Variants in CMPK2 observed in about 807,000 individuals in gnomAD.
CMPK2 encodes cytidine/uridine monophosphate kinase 2, also known as UMP-CMP kinase 2, mitochondrial.
CMPK2 carries 32 observed loss-of-function variants against 33.4 expected under a neutral mutation model. The observed-to-expected ratio is 0.96, with a 90% CI of 0.72 to 1.29. CMPK2 has a LOEUF of 1.29. Among genes scored for constraint, CMPK2 ranks in the 50% most tolerant of loss-of-function variants. CMPK2 has a pLI of 0.00. For synonymous variants in CMPK2, 299 were observed against 275.3 expected (o/e 1.09, Z -0.85); for missense variants, 672 against 616.0 (o/e 1.09, Z -0.96).
In CMPK2 at chr2:6,865,781, A is replaced by G. The variant is rs1413260023; in HGVS notation, c.-85T>C. 7 of 1,254,438 alleles carry G rather than the reference A, an allele frequency of 5.6e-6. No individual in the cohort carries two copies. The highest frequency in any genetic ancestry group is 1.6e-5 in the African/African-American group (1 of 63,568). The allele number at this position is 1,254,438 out of a possible 1,614,324, so 77.7% of individuals were successfully genotyped here. On this transcript the variant is annotated 5_prime_UTR_variant, in exon 1 of 5. Coordinates refer to ENST00000256722, the MANE Select transcript of CMPK2 (RefSeq NM_207315.4). ...GGCGCCGGCGGGAAACGAAACCCGG[A>G]GGGAGCCAGGCGCCAGCGGGAAACG...
chr2:6,841,322 T>C (rs1020379027), intron 3 of CMPK2, among the ~76,000 whole-genome samples: 7 of 152,148 alleles, frequency 4.6e-5, no homozygotes, highest in African/African-American at 2.4e-5. Flanking sequence ...GTAAAATCCA[T>C]TTGCCAGTCC....
In CMPK2 at chr2:6,849,311, A is replaced by G; in HGVS notation, c.*539T>C. Reference sequence around the variant, plus strand: ...TGGCTCTGCAGGAGTGTCCTTGGGCAGCCAGGACACATAGACAGCCTCTGC... The same window carrying G: ...TGGCTCTGCAGGAGTGTCCTTGGGCGGCCAGGACACATAGACAGCCTCTGC... On this transcript the variant is annotated 3_prime_UTR_variant, in exon 5 of 5. Coordinates refer to ENST00000256722, the MANE Select transcript of CMPK2 (RefSeq NM_207315.4). 1 of 985,678 alleles carries G rather than the reference A, an allele frequency of 1.0e-6. No individual in the cohort carries two copies. The highest frequency in any genetic ancestry group is 1.2e-6 in the Non-Finnish European group (1 of 830,142). The allele number at this position is 985,678 out of a possible 1,614,324, so 61.1% of individuals were successfully genotyped here. A position where few individuals can be genotyped will look rare whatever the true frequency, so the allele number is the denominator to read the frequency against.
chr2:6,857,637 T>TTC (rs1662751395), intron 3 of CMPK2, among the ~76,000 whole-genome samples: 1 of 37,256 alleles, frequency 2.7e-5, no homozygotes, highest in African/African-American at 6.3e-5. Flanking sequence ...TTCTTTTCTT[T>TTC]TCTTTTTTTT....
In CMPK2 at chr2:6,848,576, T is replaced by C; in HGVS notation, c.*1274A>G. Reference sequence around the variant, plus strand: ...TAGCTCTTTTAAAAATCCTATGACATTAACATGAAACTTTATTAGAATTTA... The same window carrying C: ...TAGCTCTTTTAAAAATCCTATGACACTAACATGAAACTTTATTAGAATTTA... On this transcript the variant is annotated 3_prime_UTR_variant, in exon 5 of 5. Transcript: ENST00000256722. 1 of 955,736 alleles carries C rather than the reference T, an allele frequency of 1.0e-6. No individual in the cohort carries two copies. Among genetic ancestry groups the C allele is most frequent in the Non-Finnish European group, 1.2e-6 (1 of 802,886 alleles). The allele number at this position is 955,736 out of a possible 1,614,324, so 59.2% of individuals were successfully genotyped here.
chr2:6,851,889 A>C (rs1662536476), intron 3 of CMPK2, among the ~76,000 whole-genome samples: 1 of 152,278 alleles, frequency 6.6e-6, no homozygotes, highest in South Asian at 2.1e-4. Flanking sequence ...GTAATAATGC[A>C]GTGTGTTCTT....
At chr2:6,850,833 T>TGG in intron 4 of CMPK2, 2 of 987,214 alleles carry the variant, frequency 2.0e-6, no homozygotes, top group Non-Finnish European at 2.4e-6. Flanking sequence ...GTAGAACTGA[T>TGG]TCATACTCAG....
chr2:6,859,825 T>A (rs1662821231), intron 3 of CMPK2, among the ~76,000 whole-genome samples: 1 of 152,102 alleles, frequency 6.6e-6, no homozygotes, highest in Admixed American at 6.5e-5. Context: ...AGCGGAGCTG[T>A]TTGAAGAGAG....
chr2:6,851,071 C>T lies in CMPK2; in HGVS notation c.1226+379G>A, dbSNP rs879880583. The T allele has an allele frequency of 8.4e-6, 9 of 1,069,712 alleles. No homozygotes were observed. In the South Asian group the frequency reaches 1.5e-4, roughly 17 times the overall value. The allele number at this position is 1,069,712 out of a possible 1,614,324, so 66.3% of individuals were successfully genotyped here. ...AGGATGACATAACATCAGTAAAATGCCTGACACACGGGAAGCATCTAATAG... is the reference window on the plus strand; with the variant it reads ...AGGATGACATAACATCAGTAAAATGTCTGACACACGGGAAGCATCTAATAG... On this transcript the variant is annotated intron_variant, in intron 4 of 4. Coordinates refer to ENST00000256722, the MANE Select transcript of CMPK2 (RefSeq NM_207315.4).
chr2:6,864,415 T>C (rs892924518), intron 1 of CMPK2: 1 of 152,238 alleles, frequency 6.6e-6, no homozygotes, highest in African/African-American at 2.4e-5. Flanking sequence ...TCAGGGCTCA[T>C]CTGTGTCACA....
chr2:6,840,781 T>C (rs1379098236), intron 3 of CMPK2: 1 of 665,796 alleles, frequency 1.5e-6, no homozygotes, highest in African/African-American at 1.8e-5. Context: ...GATAACTGTT[T>C]TAATTCCTGC....
chr2:6,843,813 G>A (rs571133307), downstream of CMPK2, among the ~76,000 whole-genome samples: 2 of 152,318 alleles, frequency 1.3e-5, no homozygotes, highest in South Asian at 4.1e-4. Flanking sequence ...TTGTGATATG[G>A]GAGGAGAGAA....
At chr2:6,862,751 T>A (rs1286295712) in intron 2 of CMPK2, among the ~76,000 whole-genome samples, 1 of 152,144 alleles carries the variant, frequency 6.6e-6, no homozygotes, top group Non-Finnish European at 1.5e-5. Flanking sequence ...CCTAGCTGGG[T>A]TCACAAGTAC....
Position 6,849,075 on chromosome 2 carries a change from T to C in CMPK2, c.*775A>G. 2 of 984,330 alleles carry C rather than the reference T, an allele frequency of 2.0e-6. No individual in the cohort carries two copies. Among genetic ancestry groups the C allele is most frequent in the Non-Finnish European group, 2.4e-6 (2 of 828,866 alleles). The allele number at this position is 984,330 out of a possible 1,614,324, so 61.0% of individuals were successfully genotyped here. On this transcript the variant is annotated 3_prime_UTR_variant, in exon 5 of 5. Transcript: ENST00000256722. ...GCTAAATGAAATGCATCCAGTTCAA[T>C]GGAAAATGTGCATTCTATTCAGAGC...
downstream of CMPK2, among the ~76,000 whole-genome samples, chr2:6,845,413 C>G (rs2103214129): frequency 6.6e-6 from 1 of 152,256 alleles, no homozygotes; most frequent in East Asian, 1.9e-4. Flanking sequence ...CCCCTTCCTC[C>G]TCTCTGCGTT....
chr2:6,863,958 A>G (rs1355577729), intron 1 of CMPK2, among the ~76,000 whole-genome samples: 1 of 152,206 alleles, frequency 6.6e-6, no homozygotes, highest in African/African-American at 2.4e-5. Flanking sequence ...GGCTGGAGAG[A>G]GCAGTCTTCA....
At chr2:6,857,492 A>AT (rs1662746279) in intron 3 of CMPK2, among the ~76,000 whole-genome samples, 1 of 150,908 alleles carries the variant, frequency 6.6e-6, no homozygotes, top group Non-Finnish European at 1.5e-5. Flanking sequence ...TTTTTTAAAT[A>AT]TTTTTTGTAG....
intron 3 of CMPK2, among the ~76,000 whole-genome samples, chr2:6,859,017 C>T (rs1300187885): frequency 6.6e-6 from 1 of 152,142 alleles, no homozygotes; most frequent in African/African-American, 2.4e-5. Flanking sequence ...CTGAGGTGGT[C>T]TCAGATGGAA....
In CMPK2 at chr2:6,848,841, T is replaced by G. The variant is rs2595167; in HGVS notation, c.*1009A>C. ...GTCAAAGCGATTTCATATGTAATCA[T>G]GAGACATTCAAGTGCAAGATAATTT... On this transcript the variant is annotated 3_prime_UTR_variant, in exon 5 of 5. Coordinates refer to ENST00000256722, the MANE Select transcript of CMPK2 (RefSeq NM_207315.4). The G allele has an allele frequency of 0.038, 37,822 of 985,580 alleles. 806 individuals carry two copies. The highest frequency in any genetic ancestry group is 0.041 in the Non-Finnish European group (34,240 of 829,660). The allele number at this position is 985,580 out of a possible 1,614,324, so 61.1% of individuals were successfully genotyped here. A position where few individuals can be genotyped will look rare whatever the true frequency, so the allele number is the denominator to read the frequency against.
chr2:6,843,492 G>C (rs1316791769), downstream of CMPK2, among the ~76,000 whole-genome samples: 1 of 152,128 alleles, frequency 6.6e-6, no homozygotes, highest in African/African-American at 2.4e-5. Flanking sequence ...AGGGGGTACT[G>C]CTTCTAGTTA....
Sources: gnomAD v4.1 joint callset for allele counts (sites outside exome capture counted in the v4.1 genomes callset) on GRCh38, gnomAD v4.1.1 for gene constraint, MANE v1.5 for transcripts, NCBI Gene and HGNC (gene_info 2026-07-23, HGNC 2026-07-21) for gene names.